The following GPHN variants were observed in gnomAD, a reference collection of about 807,000 sequenced individuals.
The protein encoded by GPHN is gephyrin.
Under a neutral mutation model 95.5 loss-of-function variants are expected in GPHN, and 17 were observed. The observed-to-expected ratio is 0.18, with a 90% CI of 0.12 to 0.27. The LOEUF (loss-of-function observed/expected upper bound fraction) is 0.27, where lower values mean the gene tolerates loss of function less well. GPHN is among the 10% of genes least tolerant of loss of function. GPHN has a pLI of 1.00. For missense variants in GPHN, 660 were observed against 978.1 expected, an observed-to-expected ratio of 0.67 and a Z score of 4.34; for synonymous variants, 320 against 322.5, an observed-to-expected ratio of 0.99 and a Z score of 0.08.
intron 10 of GPHN, among the ~76,000 whole-genome samples, chr14:67,057,411 T>G (rs28533300): frequency 0.48 from 63,760 of 133,802 alleles, 17,901 homozygotes; most frequent in African/African-American, 0.8. Context: ...GGCACATGGG[T>G]GGGGGGGGCA....
At chr14:67,407,217 A>T in the GPHN span, among the ~76,000 whole-genome samples, 1 of 151,684 alleles carries the variant, frequency 6.6e-6, no homozygotes, top group Non-Finnish European at 1.5e-5. Context: ...CACCTCTTGG[A>T]TTCAAGCAAT....
At chr14:67,521,483 A>G in the GPHN span, among the ~76,000 whole-genome samples, 4 of 152,186 alleles carry the variant, frequency 2.6e-5, no homozygotes, top group East Asian at 7.7e-4. Context: ...AGGGGTAGGT[A>G]GGTACTTTCA....
At chr14:67,193,178 C>T in the GPHN span, among the ~76,000 whole-genome samples, 2 of 136,264 alleles carry the variant, frequency 1.5e-5, no homozygotes, top group African/African-American at 2.7e-5. Context: ...CTATATATCT[C>T]TATATAGACA....
chr14:67,657,849 A>G, the GPHN span, among the ~76,000 whole-genome samples: 2 of 151,258 alleles, frequency 1.3e-5, no homozygotes, highest in Non-Finnish European at 2.9e-5. Context: ...CCCGGGCACA[A>G]GCAATTCTGC....
rs143210702 is a variant in GPHN, at chr14:66,932,681, T to A, written c.828+8389T>A. On this transcript the variant is annotated intron_variant, in intron 8 of 22. Coordinates refer to ENST00000478722, the MANE Select transcript of GPHN (RefSeq NM_020806.5). Reference sequence around the variant, plus strand: ...ATTATCACTCTAGGCTCAGGGCAGCTACCGCTTGGCTGCCACTGATGTTTA... The same window carrying A: ...ATTATCACTCTAGGCTCAGGGCAGCAACCGCTTGGCTGCCACTGATGTTTA... Among the ~76,000 whole-genome samples, 446 of 151,492 alleles carry A rather than the reference T, an allele frequency of 2.9e-3. 3 individuals are homozygous for A. Among genetic ancestry groups the A allele is most frequent in the African/African-American group, 0.01 (429 of 41,272 alleles).
chr14:67,475,852 G>T, the GPHN span, among the ~76,000 whole-genome samples: 1 of 152,204 alleles, frequency 6.6e-6, no homozygotes, highest in Non-Finnish European at 1.5e-5. Context: ...ATTATCAGGT[G>T]CCACCCCAAT....
At chr14:66,898,501 C>A (rs1400901417) in intron 5 of GPHN, among the ~76,000 whole-genome samples, 4 of 135,666 alleles carry the variant, frequency 2.9e-5, no homozygotes. Context: ...AGCTACCTTT[C>A]CTCTGTTGAA....
At chr14:67,574,219 C>T in the GPHN span, 1 of 1,565,048 alleles carries the variant, frequency 6.4e-7, no homozygotes, top group Non-Finnish European at 8.7e-7. This position sits in a 1 kb window ranked among gnomAD's most constrained non-coding sequence, Gnocchi z 4.2. Flanking sequence ...TGCTGCCCCA[C>T]CCCCATATCT....
chr14:67,369,990 A>G, the GPHN span, among the ~76,000 whole-genome samples: 4 of 152,354 alleles, frequency 2.6e-5, no homozygotes, highest in East Asian at 1.9e-4. Context: ...TTACCCACAT[A>G]TTTATTAACA....
At chr14:67,681,549 G>A in the GPHN span, among the ~76,000 whole-genome samples, 3 of 152,160 alleles carry the variant, frequency 2.0e-5, no homozygotes, top group Non-Finnish European at 2.9e-5. Flanking sequence ...TTGGGAGGCC[G>A]AGGAGGGGGA....
At chr14:66,851,421 C>G (rs991965515) in intron 4 of GPHN, among the ~76,000 whole-genome samples, 1 of 151,934 alleles carries the variant, frequency 6.6e-6, no homozygotes, top group Non-Finnish European at 1.5e-5. Flanking sequence ...TTTTACCGAA[C>G]TTTGTATAAG....
At chr14:67,145,058 T>C (rs2080820200) in intron 18 of GPHN, among the ~76,000 whole-genome samples, 1 of 152,236 alleles carries the variant, frequency 6.6e-6, no homozygotes, top group Admixed American at 6.5e-5. Context: ...GTAGTACAGC[T>C]GAAAGAAATA....
the GPHN span, among the ~76,000 whole-genome samples, chr14:67,452,317 C>A: frequency 7.4e-6 from 1 of 135,094 alleles, no homozygotes; most frequent in Admixed American, 7.6e-5. Context: ...CAGAGTGAGA[C>A]TCTGTCTCAA....
intron 11 of GPHN, among the ~76,000 whole-genome samples, chr14:67,080,503 A>T (rs760782111): frequency 6.6e-6 from 1 of 152,078 alleles, no homozygotes; most frequent in African/African-American, 2.4e-5. Flanking sequence ...AATGTCATGA[A>T]CTACTTCCTG....
the GPHN span, among the ~76,000 whole-genome samples, chr14:67,603,713 T>A: frequency 1.3e-5 from 2 of 152,228 alleles, no homozygotes; most frequent in African/African-American, 4.8e-5. Context: ...GTTTTGCTCT[T>A]GTTACCCAGG....
chr14:67,359,195 A>G, the GPHN span, among the ~76,000 whole-genome samples: 1 of 152,230 alleles, frequency 6.6e-6, no homozygotes, highest in African/African-American at 2.4e-5. Flanking sequence ...TTCCATCCCC[A>G]CTTTGGCTTA....
chr14:66,918,082 G>A (rs1485947405), intron 6 of GPHN, among the ~76,000 whole-genome samples: 1 of 152,164 alleles, frequency 6.6e-6, no homozygotes, highest in Non-Finnish European at 1.5e-5. Flanking sequence ...TAGCATTCAT[G>A]GAACTCACAG....
chr14:66,695,247 G>T (rs2068039491), intron 2 of GPHN, among the ~76,000 whole-genome samples: 1 of 152,112 alleles, frequency 6.6e-6, no homozygotes, highest in Admixed American at 6.6e-5. Flanking sequence ...CACCAAAGAA[G>T]ATATACAGAT....
chr14:66,696,714 A>G (rs1454928194), intron 2 of GPHN, among the ~76,000 whole-genome samples: 1 of 152,218 alleles, frequency 6.6e-6, no homozygotes, highest in Non-Finnish European at 1.5e-5. Context: ...ACTGTGATGA[A>G]GTACCCCAAT....
Sources: allele counts gnomAD v4.1 joint callset (sites outside exome capture counted in the v4.1 genomes callset), GRCh38; gene constraint gnomAD v4.1.1; non-coding constraint Gnocchi (gnomAD v3.1); transcripts MANE v1.5; gene names NCBI Gene and HGNC (gene_info 2026-07-23, HGNC 2026-07-21).